CNTNAP5: variants seen among roughly 807,000 people sequenced by gnomAD.
CNTNAP5 encodes the protein contactin associated protein family member 5, also known as contactin-associated protein-like 5.
Under a neutral mutation model 150.2 loss-of-function variants are expected in CNTNAP5, and 72 were observed. That is an observed-to-expected ratio of 0.48 (90% CI 0.40 to 0.58). The LOEUF (loss-of-function observed/expected upper bound fraction) is 0.58. CNTNAP5 is among the 20% of genes least tolerant of loss of function. CNTNAP5 has a pLI of 0.00. For missense variants in CNTNAP5, 1,636 were observed against 1,626.2 expected, an observed-to-expected ratio of 1.01 and a Z score of -0.10; for synonymous variants, 672 against 619.8, an observed-to-expected ratio of 1.08 and a Z score of -1.25.
chr2:124,184,599 C>A (rs1207853591), intron 1 of CNTNAP5, among the ~76,000 whole-genome samples: 1 of 152,144 alleles, frequency 6.6e-6, no homozygotes, highest in East Asian at 1.9e-4. Context: ...GAAGAAAGGA[C>A]AAGGCAGAAA....
At chr2:124,751,429 A>T (rs898117999) in intron 14 of CNTNAP5, among the ~76,000 whole-genome samples, 2 of 152,196 alleles carry the variant, frequency 1.3e-5, no homozygotes, top group Non-Finnish European at 2.9e-5. Context: ...CTGTACAAGG[A>T]TTATGGGCAT....
At chr2:124,901,551 A>G (rs1464334906) in intron 21 of CNTNAP5, among the ~76,000 whole-genome samples, 1 of 152,194 alleles carries the variant, frequency 6.6e-6, no homozygotes, top group African/African-American at 2.4e-5. Context: ...GCAAGGAAAT[A>G]TAATATTCCC....
chr2:124,417,950 A>G (rs942201258), intron 4 of CNTNAP5, among the ~76,000 whole-genome samples: 27 of 152,198 alleles, frequency 1.8e-4, no homozygotes, highest in African/African-American at 6.0e-4. Context: ...CAGAGCTATG[A>G]GAGAAAAGCA....
chr2:124,863,557 G>C (rs527667926), intron 19 of CNTNAP5, among the ~76,000 whole-genome samples: 6 of 152,220 alleles, frequency 3.9e-5, no homozygotes. Context: ...AGAAGTGTTA[G>C]GCAATGGCCT....
intron 1 of CNTNAP5, among the ~76,000 whole-genome samples, chr2:124,039,022 G>A (rs1681296331): frequency 6.6e-6 from 1 of 152,180 alleles, no homozygotes; most frequent in Admixed American, 6.5e-5. Flanking sequence ...TAAATAAGCA[G>A]ACGCTTTATT....
intron 11 of CNTNAP5, among the ~76,000 whole-genome samples, chr2:124,569,260 ATTG>A (rs1056034322): frequency 6.6e-6 from 1 of 152,084 alleles, no homozygotes; most frequent in African/African-American, 2.4e-5. Context: ...CTCTGACATT[ATTG>A]TTTACTACAA....
chr2:124,607,616 G>T (rs1042361282), intron 11 of CNTNAP5, among the ~76,000 whole-genome samples: 1 of 152,184 alleles, frequency 6.6e-6, no homozygotes, highest in South Asian at 2.1e-4. Context: ...CCTAGCACAG[G>T]TGGGGTAGCT....
At chr2:124,358,537 C>CTT (rs1690093358) in intron 3 of CNTNAP5, among the ~76,000 whole-genome samples, 2 of 152,030 alleles carry the variant, frequency 1.3e-5, no homozygotes, top group Admixed American at 1.3e-4. Context: ...TTGTCAAAGG[C>CTT]TTTTTCTGCA....
intron 1 of CNTNAP5, among the ~76,000 whole-genome samples, chr2:124,154,919 C>T (rs763854765): frequency 3.3e-5 from 5 of 152,050 alleles, no homozygotes; most frequent in Non-Finnish European, 7.4e-5. Context: ...TTTAAAAGCT[C>T]ACCAAATGAT....
intron 1 of CNTNAP5, among the ~76,000 whole-genome samples, chr2:124,123,633 C>A (rs959234292): frequency 2.0e-5 from 3 of 152,172 alleles, no homozygotes; most frequent in Admixed American, 2.0e-4. Flanking sequence ...CCCCGAGTAG[C>A]CTAACTGGGA....
intron 3 of CNTNAP5, among the ~76,000 whole-genome samples, chr2:124,314,390 G>C (rs1401338246): frequency 6.6e-6 from 1 of 152,138 alleles, no homozygotes; most frequent in East Asian, 1.9e-4. Context: ...TTGAATCTCC[G>C]TAGTGGGCCC....
chr2:124,128,176 G>C (rs540414154), intron 1 of CNTNAP5, among the ~76,000 whole-genome samples: 1 of 152,020 alleles, frequency 6.6e-6, no homozygotes, highest in Admixed American at 6.6e-5. Flanking sequence ...CAAAGGACTA[G>C]TATCAAGAAT....
intron 12 of CNTNAP5, among the ~76,000 whole-genome samples, chr2:124,627,470 T>A (rs1308474034): frequency 6.7e-6 from 1 of 148,334 alleles, no homozygotes; most frequent in African/African-American, 2.5e-5. Context: ...ACAGCAGACC[T>A]GCAGAAGAAA....
At chr2:124,503,335 C>T (rs1694320268) in intron 7 of CNTNAP5, among the ~76,000 whole-genome samples, 1 of 152,190 alleles carries the variant, frequency 6.6e-6, no homozygotes. Flanking sequence ...AATCAAACCA[C>T]TACGCTGCTC....
intron 1 of CNTNAP5, among the ~76,000 whole-genome samples, chr2:124,198,278 A>G (rs905533469): frequency 2.0e-5 from 3 of 152,172 alleles, no homozygotes; most frequent in African/African-American, 7.2e-5. Context: ...TTATTTATAT[A>G]TTCTAGATGC....
chr2:124,735,016 C>A (rs1199276360), intron 13 of CNTNAP5, among the ~76,000 whole-genome samples: 3 of 152,108 alleles, frequency 2.0e-5, no homozygotes, highest in Admixed American at 2.0e-4. Flanking sequence ...GGGAAGTTTT[C>A]AAAAACCCAT....
intron 13 of CNTNAP5, among the ~76,000 whole-genome samples, chr2:124,725,645 T>C (rs1347934751): frequency 6.6e-6 from 1 of 152,084 alleles, no homozygotes; most frequent in East Asian, 1.9e-4. Context: ...ATAGTTATCA[T>C]GCCACATATT....
intron 13 of CNTNAP5, among the ~76,000 whole-genome samples, chr2:124,649,354 C>A (rs1678270375): frequency 6.6e-6 from 1 of 152,132 alleles, no homozygotes; most frequent in African/African-American, 2.4e-5. Context: ...CCATGTCTGT[C>A]AAGCCTGCAC....
chr2:124,870,308 T>C (rs889850970), intron 21 of CNTNAP5, among the ~76,000 whole-genome samples: 5 of 152,104 alleles, frequency 3.3e-5, no homozygotes, highest in Non-Finnish European at 5.9e-5. Flanking sequence ...AGTAATGTCT[T>C]TTTATGCTTA....
Sources: gnomAD v4.1 joint callset for allele counts (sites outside exome capture counted in the v4.1 genomes callset) on GRCh38, gnomAD v4.1.1 for gene constraint, MANE v1.5 for transcripts, NCBI Gene and HGNC (gene_info 2026-07-23, HGNC 2026-07-21) for gene names.